Variants in NRG3 observed in about 807,000 individuals in gnomAD.
NRG3 encodes the protein pro-neuregulin-3, membrane-bound isoform.
In NRG3, 31 loss-of-function variants were observed where a neutral mutation model predicts 66.9. That is an observed-to-expected ratio of 0.46 (90% CI 0.35 to 0.63). NRG3 has a LOEUF of 0.63. Ranked by LOEUF, NRG3 falls within the 20% of genes least tolerant of loss-of-function variation. The pLI, the probability that NRG3 is intolerant of heterozygous loss-of-function variation, is 0.00. For synonymous variants in NRG3, 393 were observed against 359.4 expected (o/e 1.09, Z -1.06); for missense variants, 910 against 878.9 (o/e 1.04, Z -0.45).
chr10:82,414,469 A>C (rs2088377150), intron 2 of NRG3, among the ~76,000 whole-genome samples: 1 of 152,124 alleles, frequency 6.6e-6, no homozygotes, highest in African/African-American at 2.4e-5. Context: ...AAAAAGTTTG[A>C]GATATTAAGA....
At chr10:82,641,605 T>C (rs1476846534) in intron 2 of NRG3, among the ~76,000 whole-genome samples, 1 of 152,132 alleles carries the variant, frequency 6.6e-6, no homozygotes, top group African/African-American at 2.4e-5. Flanking sequence ...TGATCCAACC[T>C]GGAGCCCAGG....
chr10:82,635,416 C>A (rs1054791304), intron 2 of NRG3, among the ~76,000 whole-genome samples: 2 of 152,038 alleles, frequency 1.3e-5, no homozygotes, highest in Non-Finnish European at 2.9e-5. Flanking sequence ...AGAATACATG[C>A]CCATGATGGA....
At chr10:82,061,795 C>A (rs1462773306) in intron 1 of NRG3, among the ~76,000 whole-genome samples, 1 of 151,804 alleles carries the variant, frequency 6.6e-6, no homozygotes, top group Non-Finnish European at 1.5e-5. Context: ...TTTTTTCTGT[C>A]TGTCTCCCTC....
At chr10:82,805,429 T>A (rs2061236259) in intron 3 of NRG3, among the ~76,000 whole-genome samples, 1 of 152,220 alleles carries the variant, frequency 6.6e-6, no homozygotes, top group East Asian at 1.9e-4. Flanking sequence ...CTGCGTCTTT[T>A]GTCCCTGTGT....
chr10:82,002,583 C>T (rs1340729282), intron 1 of NRG3, among the ~76,000 whole-genome samples: 2 of 152,272 alleles, frequency 1.3e-5, no homozygotes, highest in African/African-American at 4.8e-5. Context: ...AACATGGTCC[C>T]AGTAAACCTT....
At chr10:82,515,229 A>C (rs1284694349) in intron 2 of NRG3, among the ~76,000 whole-genome samples, 4 of 152,216 alleles carry the variant, frequency 2.6e-5, no homozygotes, top group African/African-American at 9.6e-5. Context: ...AGAACAAAAC[A>C]AAAGCAAACA....
rs543415835 is a variant in NRG3 at position 82,841,054 on chromosome 10, A to C, written c.1028-24357A>C. Among the ~76,000 whole-genome samples the C allele has an allele frequency of 1.2e-4, 18 of 152,296 alleles. No individual in the cohort carries two copies. The South Asian group carries it at 3.3e-3, about 28-fold the overall frequency. On this transcript the variant is annotated intron_variant, in intron 3 of 8. Coordinates refer to ENST00000372141, the MANE Select transcript of NRG3 (RefSeq NM_001010848.4). ...AATCCAATGCCTGATATCTTCATAAAGAGAGAGAAACTTGAAGATGGAGGA... is the reference window on the plus strand; with the variant it reads ...AATCCAATGCCTGATATCTTCATAACGAGAGAGAAACTTGAAGATGGAGGA...
chr10:82,709,855 C>T (rs1227982551), intron 2 of NRG3, among the ~76,000 whole-genome samples: 4 of 152,164 alleles, frequency 2.6e-5, no homozygotes, highest in Admixed American at 1.3e-4. Context: ...CAAAATAACT[C>T]ACTGCTTTGT....
intron 1 of NRG3, among the ~76,000 whole-genome samples, chr10:82,321,302 G>GGGT (rs1554884199): frequency 2.0e-5 from 2 of 100,432 alleles, no homozygotes; most frequent in African/African-American, 1.9e-4. Flanking sequence ...TGGCAGGGGT[G>GGGT]GGGGTGGGGG....
chr10:82,832,934 C>T (rs375818318), intron 3 of NRG3, among the ~76,000 whole-genome samples: 2 of 151,980 alleles, frequency 1.3e-5, no homozygotes, highest in Non-Finnish European at 2.9e-5. Flanking sequence ...TCTCACAAAG[C>T]GAGTACAAAC....
At chr10:82,035,058 A>T (rs1447937857) in intron 1 of NRG3, among the ~76,000 whole-genome samples, 2 of 152,122 alleles carry the variant, frequency 1.3e-5, no homozygotes, top group African/African-American at 4.8e-5. Context: ...TGGCGCATAT[A>T]TAGTGGGTTT....
At chr10:82,857,210 G>A (rs137870683) in intron 3 of NRG3, among the ~76,000 whole-genome samples, 2 of 152,120 alleles carry the variant, frequency 1.3e-5, no homozygotes, top group African/African-American at 4.8e-5. Flanking sequence ...ACCAATATGG[G>A]GGTGCAGTCT....
intron 1 of NRG3, among the ~76,000 whole-genome samples, chr10:82,228,372 A>C (rs2133852138): frequency 6.6e-6 from 1 of 152,296 alleles, no homozygotes; most frequent in South Asian, 2.1e-4. Context: ...GCATTATGAT[A>C]AATTTCTAAG....
chr10:82,643,094 C>T (rs982779149), intron 2 of NRG3, among the ~76,000 whole-genome samples: 4 of 152,034 alleles, frequency 2.6e-5, no homozygotes, highest in African/African-American at 9.7e-5. Context: ...AATATACTGA[C>T]TTTTCTTTCT....
chr10:82,764,371 C>G (rs2059436042), intron 3 of NRG3, among the ~76,000 whole-genome samples: 1 of 120,436 alleles, frequency 8.3e-6, no homozygotes, highest in Admixed American at 1.1e-4. Context: ...TTGCCCTATG[C>G]AAATTTTTTT....
chr10:82,589,041 C>T (rs958745912), intron 2 of NRG3, among the ~76,000 whole-genome samples: 14 of 152,094 alleles, frequency 9.2e-5, no homozygotes, highest in Admixed American at 7.2e-4. Context: ...TGCTGGCCTA[C>T]GCATTGCAAG....
chr10:82,401,970 T>C (rs2087134889), intron 2 of NRG3, among the ~76,000 whole-genome samples: 2 of 152,208 alleles, frequency 1.3e-5, no homozygotes, highest in South Asian at 2.1e-4. Flanking sequence ...TTATATGCAA[T>C]AAAATTAGTA....
intron 2 of NRG3, among the ~76,000 whole-genome samples, chr10:82,399,175 AT>A (rs2086913453): frequency 6.6e-6 from 1 of 152,174 alleles, no homozygotes; most frequent in East Asian, 1.9e-4. Flanking sequence ...GAAAAAGTAC[AT>A]TCACCTAATA....
At chr10:81,921,138 T>G (rs1846214203) in intron 1 of NRG3, among the ~76,000 whole-genome samples, 1 of 152,072 alleles carries the variant, frequency 6.6e-6, no homozygotes, top group Non-Finnish European at 1.5e-5. Context: ...TAGCCAATAC[T>G]GAGGCTTGTT....
Sources: gnomAD v4.1 joint callset for allele counts (sites outside exome capture counted in the v4.1 genomes callset) on GRCh38, gnomAD v4.1.1 for gene constraint, MANE v1.5 for transcripts, NCBI Gene and HGNC (gene_info 2026-07-23, HGNC 2026-07-21) for gene names.